DTHD1: variants seen among roughly 807,000 people sequenced by gnomAD.
The protein encoded by DTHD1 is death domain-containing protein 1.
DTHD1 carries 59 observed loss-of-function variants against 74.8 expected under a neutral mutation model. The observed-to-expected ratio is 0.79, with a 90% CI of 0.64 to 0.98. The LOEUF is 0.98. DTHD1 is among the 50% of genes least tolerant of loss of function. The probability of loss-of-function intolerance (pLI) is 0.00; values close to 1 mark genes in which losing one functional copy is unlikely to be tolerated. For missense variants in DTHD1, 1,051 were observed against 1,065.4 expected (o/e 0.99, Z 0.19); for synonymous variants, 365 against 371.1 (o/e 0.98, Z 0.19).
intron 5 of DTHD1, among the ~76,000 whole-genome samples, chr4:36,297,234 C>T (rs1434221465): frequency 1.3e-5 from 2 of 152,072 alleles, no homozygotes; most frequent in Non-Finnish European, 2.9e-5. Context: ...AGAATTCAAA[C>T]CTATGTTGTT....
At chr4:36,301,282 G>A (rs1202432757) in intron 5 of DTHD1, among the ~76,000 whole-genome samples, 1 of 152,162 alleles carries the variant, frequency 6.6e-6, no homozygotes, top group Admixed American at 6.5e-5. Context: ...CCATGCAGAT[G>A]CAGTGGGAGC....
intron 1 of DTHD1, among the ~76,000 whole-genome samples, chr4:36,283,440 C>G (rs1755513704): frequency 6.6e-6 from 1 of 152,094 alleles, no homozygotes; most frequent in Non-Finnish European, 1.5e-5. Context: ...TAGTATAAAC[C>G]TAATCCAATT....
intron 8 of DTHD1, among the ~76,000 whole-genome samples, chr4:36,338,573 T>G (rs1194489304): frequency 6.6e-6 from 1 of 151,504 alleles, no homozygotes; most frequent in Non-Finnish European, 1.5e-5. Context: ...CTGTCTCCAC[T>G]ATCTCATATT....
rs1757178514 is a variant in DTHD1, at chr4:36,308,342, T to C, written c.1944T>C (p.Ala648=). Residue 648 remains alanine (A), a synonymous_variant, in exon 7 of 10, where the codon GCT becomes GCC. Transcript: ENST00000639862. ...AGAAGGACAATCCACATAGAATAGC[T>C]GTTTTAGTGGTGCCTTCCAAAGATT... ...SHQKDNPHRI[A]VLVVPSKDLS... 3.2e-6 allele frequency: 5 copies of C among 1,551,778 alleles called. No homozygotes were observed. Among genetic ancestry groups the C allele is most frequent in the South Asian group, 2.4e-5 (2 of 84,070 alleles).
chr4:36,330,227 G>C (rs768919880), intron 8 of DTHD1, among the ~76,000 whole-genome samples: 3 of 152,134 alleles, frequency 2.0e-5, no homozygotes, highest in Non-Finnish European at 4.4e-5. Context: ...TAATACTACT[G>C]TCAAGTCAGT....
chr4:36,322,039 C>T (rs1758060740), intron 8 of DTHD1, among the ~76,000 whole-genome samples: 1 of 152,304 alleles, frequency 6.6e-6, no homozygotes. Flanking sequence ...CACCTTCTCT[C>T]TGTGGTTTAC....
In DTHD1 at chr4:36,294,789, G is replaced by A; in HGVS notation, c.1399-6G>A. The A allele has an allele frequency of 6.6e-7, 1 of 1,513,910 alleles. No individual in the cohort carries two copies. Among genetic ancestry groups the A allele is most frequent in the Non-Finnish European group, 8.8e-7 (1 of 1,131,234 alleles). 93.8% of individuals were successfully genotyped at this position (1,513,910 alleles called of 1,614,324 possible). Reference sequence around the variant, plus strand: ...AAACATAAGAAAAAATATATTTTTTGTTTAGATCCAACCAGTTGACCCAGC... The same window carrying A: ...AAACATAAGAAAAAATATATTTTTTATTTAGATCCAACCAGTTGACCCAGC... On this transcript the variant is annotated splice_region_variant and splice_polypyrimidine_tract_variant and intron_variant, in intron 4 of 9. Coordinates refer to ENST00000639862, the MANE Select transcript of DTHD1 (RefSeq NM_001170700.3).
intron 3 of DTHD1, 93 bp from the exon 4 acceptor site, chr4:36,293,433 G>A: frequency 9.7e-7 from 1 of 1,025,906 alleles, no homozygotes; most frequent in Admixed American, 3.8e-5. Context: ...AATAAAGAGT[G>A]TATAGATTTT....
intron 8 of DTHD1, among the ~76,000 whole-genome samples, chr4:36,319,651 G>A (rs1351025951): frequency 6.6e-6 from 1 of 152,234 alleles, no homozygotes; most frequent in Non-Finnish European, 1.5e-5. Context: ...CGTTATGTCA[G>A]AGACGACAGA....
In DTHD1 at chr4:36,318,071, C is replaced by T. The variant is rs554229935; in HGVS notation, c.2340+1585C>T. Among the ~76,000 whole-genome samples the T allele has an allele frequency of 1.6e-4, 24 of 152,316 alleles. No individual in the cohort carries two copies. In the South Asian group the frequency reaches 5.0e-3, roughly 32 times the overall value. On this transcript the variant is annotated intron_variant, in intron 8 of 9. Transcript: ENST00000639862. ...TTAACATGCATTGTATCACTAAACC[C>T]TCACAGAAATCCTATGATACATAAT...
rs1759517505 is a variant in DTHD1 at position 36,345,000 on chromosome 4, C to A, written c.*1176C>A. On this transcript the variant is annotated 3_prime_UTR_variant, in exon 10 of 10. Transcript: ENST00000639862. ...AGCCATTTACTGGCACAGACTTTTCCTTTATAAAAATATAACTTGGAAGAG... is the reference window on the plus strand; with the variant it reads ...AGCCATTTACTGGCACAGACTTTTCATTTATAAAAATATAACTTGGAAGAG... The A allele has an allele frequency of 6.6e-6, 1 of 152,058 alleles. No individual in the cohort carries two copies. The highest frequency in any genetic ancestry group is 2.1e-4 in the South Asian group (1 of 4,814). 9.4% of individuals were successfully genotyped at this position (152,058 alleles called of 1,614,324 possible).
At chr4:36,298,025 A>C (rs995608138) in intron 5 of DTHD1, among the ~76,000 whole-genome samples, 13 of 151,970 alleles carry the variant, frequency 8.6e-5, no homozygotes, top group African/African-American at 3.1e-4. Context: ...TAAATTGGCC[A>C]AGTTGCTAGA....
intron 5 of DTHD1, among the ~76,000 whole-genome samples, chr4:36,301,451 G>A (rs767749089): frequency 2.0e-5 from 3 of 151,530 alleles, no homozygotes; most frequent in Admixed American, 6.6e-5. Flanking sequence ...TTCTGCTGCT[G>A]GAAAAAAAAT....
intron 5 of DTHD1, among the ~76,000 whole-genome samples, chr4:36,301,798 C>T (rs1341991234): frequency 1.3e-5 from 2 of 149,624 alleles, no homozygotes; most frequent in African/African-American, 2.5e-5. Flanking sequence ...TCATCACTCC[C>T]TTTTTTTTTT....
intron 8 of DTHD1, among the ~76,000 whole-genome samples, chr4:36,332,518 A>T (rs1163927249): frequency 6.6e-6 from 1 of 152,164 alleles, no homozygotes; most frequent in African/African-American, 2.4e-5. Context: ...GCTGGTCCAC[A>T]ATGGCAATTG....
intron 7 of DTHD1, among the ~76,000 whole-genome samples, chr4:36,308,792 G>A (rs1448925745): frequency 6.6e-6 from 1 of 152,156 alleles, no homozygotes; most frequent in East Asian, 1.9e-4. Flanking sequence ...CAGGAGTAAA[G>A]TTGCCTTCTA....
intron 1 of DTHD1, among the ~76,000 whole-genome samples, chr4:36,283,104 TGG>T (rs1755492586): frequency 6.6e-6 from 1 of 152,200 alleles, no homozygotes; most frequent in Admixed American, 6.5e-5. Context: ...CACTAAGCTA[TGG>T]GGCCTTAAAT....
intron 5 of DTHD1, among the ~76,000 whole-genome samples, chr4:36,303,658 C>T (rs971621224): frequency 6.6e-6 from 1 of 152,182 alleles, no homozygotes; most frequent in Non-Finnish European, 1.5e-5. Context: ...GCCTGATTCT[C>T]ACTCCAGATC....
intron 7 of DTHD1, 102 bp from the exon 8 acceptor site, chr4:36,316,140 T>G: frequency 5.5e-6 from 6 of 1,090,288 alleles, no homozygotes; most frequent in Non-Finnish European, 5.1e-6. Flanking sequence ...TTTCACCATG[T>G]TAGCCAGGAT....
Sources: allele counts gnomAD v4.1 joint callset (sites outside exome capture counted in the v4.1 genomes callset), GRCh38; gene constraint gnomAD v4.1.1; transcripts MANE v1.5; gene names NCBI Gene and HGNC (gene_info 2026-07-23, HGNC 2026-07-21).